Variants in KHDC1 observed in about 807,000 individuals in gnomAD.
The protein encoded by KHDC1 is KH domain containing 1, also known as KH homology domain-containing protein 1.
A neutral mutation model predicts 24.7 loss-of-function variants in KHDC1; 21 were observed. That is an observed-to-expected ratio of 0.85 (90% CI 0.60 to 1.23). The LOEUF is 1.23. Ranked by LOEUF, KHDC1 falls within the 50% of genes most tolerant of loss-of-function variation. The pLI, the probability that KHDC1 is intolerant of heterozygous loss-of-function variation, is 0.00. For missense variants in KHDC1, 274 were observed against 298.5 expected, an observed-to-expected ratio of 0.92 and a Z score of 0.61; for synonymous variants, 98 against 111.7, an observed-to-expected ratio of 0.88 and a Z score of 0.77.
At chr6:73,258,638 C>G (rs1225793387) in intron 2 of KHDC1, among the ~76,000 whole-genome samples, 2 of 152,144 alleles carry the variant, frequency 1.3e-5, no homozygotes, top group East Asian at 3.9e-4. Context: ...AGATTTCTTA[C>G]TGAGAATCCA....
intron 2 of KHDC1, among the ~76,000 whole-genome samples, chr6:73,288,488 G>A (rs750613853): frequency 6.6e-5 from 10 of 152,136 alleles, no homozygotes; most frequent in Non-Finnish European, 1.2e-4. Context: ...GAGCATACTG[G>A]TGCATGCCTG....
At chr6:73,269,989 T>A (rs929403957) in intron 2 of KHDC1, 2 of 152,044 alleles carry the variant, frequency 1.3e-5, no homozygotes, top group African/African-American at 4.8e-5. Flanking sequence ...TTGCCCAGGC[T>A]GATCTCAAGC....
intron 2 of KHDC1, among the ~76,000 whole-genome samples, chr6:73,246,439 C>T (rs768416308): frequency 2.6e-5 from 4 of 152,210 alleles, no homozygotes; most frequent in African/African-American, 7.2e-5. Context: ...ATCTGTAAAA[C>T]GCATGGACAG....
At chr6:73,263,358 G>T (rs1185784700) in intron 2 of KHDC1, 162 bp from the exon 1 acceptor site, 4 of 884,624 alleles carry the variant, frequency 4.5e-6, no homozygotes, top group East Asian at 2.4e-4. Flanking sequence ...GGAGGGACGA[G>T]CCAGTGGCAA....
intron 2 of KHDC1, among the ~76,000 whole-genome samples, chr6:73,250,903 A>C (rs1415339619): frequency 6.6e-6 from 1 of 152,152 alleles, no homozygotes; most frequent in Non-Finnish European, 1.5e-5. Flanking sequence ...GCAGTGGTGC[A>C]ATCTTGGCTC....
chr6:73,309,169 G>C (rs116977931), intron 1 of KHDC1, among the ~76,000 whole-genome samples: 3 of 152,232 alleles, frequency 2.0e-5, no homozygotes, highest in Non-Finnish European at 2.9e-5. Flanking sequence ...TGCTGATCGC[G>C]GGACTCCGCT....
intron 1 of KHDC1, among the ~76,000 whole-genome samples, chr6:73,307,653 C>T (rs1421748071): frequency 2.0e-5 from 3 of 152,138 alleles, no homozygotes; most frequent in Non-Finnish European, 4.4e-5. Context: ...CTGAGATTCC[C>T]TCAGGCCCCA....
intron 2 of KHDC1, among the ~76,000 whole-genome samples, chr6:73,261,069 T>C (rs1183340210): frequency 6.6e-6 from 1 of 152,240 alleles, no homozygotes; most frequent in Non-Finnish European, 1.5e-5. Context: ...TGCAAACCTC[T>C]CTTGTCTACT....
At chr6:73,257,124 C>G (rs1766893261) in intron 2 of KHDC1, among the ~76,000 whole-genome samples, 3 of 152,146 alleles carry the variant, frequency 2.0e-5, no homozygotes, top group African/African-American at 7.2e-5. Context: ...AAAACCCCAT[C>G]TCTACAAAAA....
intron 2 of KHDC1, among the ~76,000 whole-genome samples, chr6:73,279,507 A>G (rs1767363572): frequency 6.6e-6 from 1 of 151,884 alleles, no homozygotes; most frequent in Non-Finnish European, 1.5e-5. Context: ...AAAATTGCAT[A>G]TTAATAATTG....
At chr6:73,245,171 C>T (rs1027663936) in intron 2 of KHDC1, among the ~76,000 whole-genome samples, 13 of 151,994 alleles carry the variant, frequency 8.6e-5, no homozygotes, top group Non-Finnish European at 1.6e-4. Context: ...TTTATTGTCT[C>T]GGGTGAAGTA....
intron 2 of KHDC1, chr6:73,270,398 G>T (rs1347121557): frequency 6.6e-6 from 1 of 152,082 alleles, no homozygotes; most frequent in Non-Finnish European, 1.5e-5. Context: ...TTTAACCCAG[G>T]AGGCAGAGGT....
At chr6:73,255,186 A>T (rs1414133522) in intron 2 of KHDC1, among the ~76,000 whole-genome samples, 2 of 150,038 alleles carry the variant, frequency 1.3e-5, no homozygotes, top group South Asian at 2.1e-4. Flanking sequence ...ATTTTTTTCA[A>T]TTATTGGTTT....
At chr6:73,241,774 G>A (rs891619950) in intron 4 of KHDC1, 46 bp from the exon 4 acceptor site, 1 of 1,601,572 alleles carries the variant, frequency 6.2e-7, no homozygotes, top group Non-Finnish European at 8.5e-7. Context: ...CCCATAACTG[G>A]GGCCCATTGG....
At chr6:73,247,729 C>T (rs1766693528) in intron 2 of KHDC1, among the ~76,000 whole-genome samples, 1 of 151,864 alleles carries the variant, frequency 6.6e-6, no homozygotes, top group African/African-American at 2.4e-5. Context: ...TAGTGGCACG[C>T]ATCTGTAATC....
chr6:73,255,104 G>A (rs1456915114), intron 2 of KHDC1, among the ~76,000 whole-genome samples: 1 of 149,412 alleles, frequency 6.7e-6, no homozygotes, highest in East Asian at 2.0e-4. Context: ...GGCACTTTTT[G>A]AATTTTGAGC....
intron 2 of KHDC1, among the ~76,000 whole-genome samples, chr6:73,247,689 T>C (rs1766692761): frequency 1.3e-5 from 2 of 151,914 alleles, no homozygotes; most frequent in African/African-American, 4.8e-5. Context: ...AAACCCCGTC[T>C]CTACTAAAAA....
chr6:73,303,638 G>T (rs758270292), intron 1 of KHDC1, among the ~76,000 whole-genome samples: 2 of 152,172 alleles, frequency 1.3e-5, no homozygotes, highest in Non-Finnish European at 2.9e-5. Context: ...ATAATGTATA[G>T]CTTCAGTCTA....
intron 1 of KHDC1, chr6:73,292,861 TG>T: frequency 1.4e-6 from 1 of 723,342 alleles, no homozygotes. Flanking sequence ...TTGACTTAGA[TG>T]GGGCTAAGAA....
Sources: allele counts gnomAD v4.1 joint callset (sites outside exome capture counted in the v4.1 genomes callset), GRCh38; gene constraint gnomAD v4.1.1; transcripts MANE v1.5; gene names NCBI Gene and HGNC (gene_info 2026-07-23, HGNC 2026-07-21).